AAAS: variants seen among roughly 807,000 people sequenced by gnomAD.
The protein encoded by AAAS is aladin WD repeat nucleoporin.
AAAS carries 60 observed loss-of-function variants against 75.6 expected under a neutral mutation model. That is an observed-to-expected ratio of 0.79 (90% CI 0.64 to 0.98). AAAS has a LOEUF of 0.98. Ranked by LOEUF, AAAS falls within the 50% of genes least tolerant of loss-of-function variation. AAAS has a pLI of 0.00. For missense variants in AAAS, 658 were observed against 686.9 expected (o/e 0.96, Z 0.47); for synonymous variants, 271 against 265.0 (o/e 1.02, Z -0.22).
Position 53,309,157 on chromosome 12 carries a change from C to G in AAAS, c.935G>C (p.Arg312Pro), listed in dbSNP as rs1029967361. ...ILATTPSAVFRVWEAQMWTCE... is the reference protein window; with the variant it reads ...ILATTPSAVFPVWEAQMWTCE... ...CTCCCTCCATCCTTGTCCCACTCAC[C>G]GAAAGACAGCTGAAGGAGTGGTAGC... is the stretch of plus-strand genomic sequence containing the variant. Residue 312 changes from arginine to proline, a missense_variant and splice_region_variant, in exon 9 of 16, where the codon CGA becomes CCA. Arg to Pro is a moderately radical substitution (Grantham distance 103, BLOSUM62 -2). Coordinates refer to ENST00000209873, the MANE Select transcript of AAAS (RefSeq NM_015665.6). 7 of 1,614,040 alleles carry G rather than the reference C, an allele frequency of 4.3e-6. No homozygotes were observed. The highest frequency in any genetic ancestry group is 5.9e-6 in the Non-Finnish European group (7 of 1,180,036).
rs779359254 is a variant in AAAS at position 53,307,465 on chromosome 12, A to G, written c.*24T>C. Reference sequence around the variant, plus strand: ...AAGACAGACTGGTAACTGAGTGGAAAACAAAAGGAAAACTTATTTATTCTT... The same window carrying G: ...AAGACAGACTGGTAACTGAGTGGAAGACAAAAGGAAAACTTATTTATTCTT... On this transcript the variant is annotated 3_prime_UTR_variant, in exon 16 of 16. Coordinates refer to ENST00000209873, the MANE Select transcript of AAAS (RefSeq NM_015665.6). 1 of 1,593,294 alleles carries G rather than the reference A, an allele frequency of 6.3e-7. No individual in the cohort carries two copies. The highest frequency in any genetic ancestry group is 1.1e-5 in the South Asian group (1 of 89,786).
chr12:53,317,517 A>G (rs1487873113), intron 2 of AAAS, among the ~76,000 whole-genome samples: 1 of 151,844 alleles, frequency 6.6e-6, no homozygotes, highest in Non-Finnish European at 1.5e-5. Flanking sequence ...AGATCGTGCC[A>G]CTGCACTCCA....
chr12:53,319,817 A>AAG (rs1944524397), intron 2 of AAAS, among the ~76,000 whole-genome samples: 1 of 137,346 alleles, frequency 7.3e-6, no homozygotes, highest in Admixed American at 7.5e-5. Flanking sequence ...AAAAAAAAAA[A>AAG]AAAAAAAAGA....
Position 53,314,844 on chromosome 12 carries a change from C to G in AAAS, c.452G>C (p.Ser151Thr), listed in dbSNP as rs1450943282. 1.9e-6 allele frequency: 3 copies of G among 1,613,456 alleles called. No individual in the cohort carries two copies. The highest frequency in any genetic ancestry group is 2.5e-6 in the Non-Finnish European group (3 of 1,179,738). Residue 151 changes from serine (S) to threonine (T), a missense_variant, in exon 6 of 16, where the codon AGC becomes ACC. Transcript: ENST00000209873. Reference protein sequence around the residue: ...AEFAQVTNWSSCCLRVFAWHP... With the variant: ...AEFAQVTNWSTCCLRVFAWHP... ...CCATGCAAAGACACGCAAGCAGCAG[C>G]TGGACCTAAGGAAGGGGTTAACATG...
chr12:53,308,622 T>C, intron 11 of AAAS, 94 bp from the exon 12 acceptor site: 2 of 1,597,826 alleles, frequency 1.3e-6, no homozygotes, highest in South Asian at 1.1e-5. Flanking sequence ...CCTCGAAATC[T>C]CCTAAGCTTC....
Position 53,318,259 on chromosome 12 carries a change from T to C in AAAS, c.251+2306A>G, listed in dbSNP as rs555798318. ...GTGTGTGTGTGCGTGTGTGTGTGTG[T>C]GTGTGTGTGTGTGTTAAGACGGAGT... is the stretch of plus-strand genomic sequence containing the variant. On this transcript the variant is annotated intron_variant, in intron 2 of 15. Transcript: ENST00000209873. 1.1e-4 allele frequency among the ~76,000 whole-genome samples: 16 copies of C among 139,168 alleles called. No individual in the cohort carries two copies. In the South Asian group the frequency reaches 3.4e-3, roughly 29 times the overall value. 91.3% of individuals were successfully genotyped at this position (139,168 alleles called of 152,430 possible).
intron 2 of AAAS, among the ~76,000 whole-genome samples, chr12:53,320,186 A>G (rs965524601): frequency 9.2e-5 from 14 of 152,216 alleles, no homozygotes; most frequent in Admixed American, 8.5e-4. Flanking sequence ...TGGATGACCT[A>G]TGTAGGAGAT....
intron 2 of AAAS, among the ~76,000 whole-genome samples, chr12:53,318,167 G>C (rs905805354): frequency 6.6e-6 from 1 of 151,106 alleles, no homozygotes; most frequent in East Asian, 1.9e-4. Flanking sequence ...CTGAGACTAC[G>C]GGTGCACACC....
Position 53,312,362 on chromosome 12 carries a change from T to A in AAAS, c.689+1936A>T, listed in dbSNP as rs12580576. ...AAGCCAAGGCGGGCGGATCACAAGGTCAGGAGTTCAAGACCAGCCTGGCCA... is the reference window on the plus strand; with the variant it reads ...AAGCCAAGGCGGGCGGATCACAAGGACAGGAGTTCAAGACCAGCCTGGCCA... On this transcript the variant is annotated intron_variant, in intron 7 of 15. Coordinates refer to ENST00000209873, the MANE Select transcript of AAAS (RefSeq NM_015665.6). 4.8e-4 allele frequency among the ~76,000 whole-genome samples: 73 copies of A among 152,174 alleles called. No homozygotes were observed. The East Asian group carries it at 0.014, about 28-fold the overall frequency.
At chr12:53,314,635 GTTCT>G (rs1299724242) in intron 6 of AAAS, 112 bp downstream of exon 6, 1 of 1,343,548 alleles carries the variant, frequency 7.4e-7, no homozygotes, top group African/African-American at 1.4e-5. Flanking sequence ...CCTGACCCCA[GTTCT>G]GGAAGGAGCC....
intron 7 of AAAS, 23 bp from the exon 8 acceptor site, chr12:53,309,744 T>C (rs898879494): frequency 8.7e-6 from 14 of 1,611,146 alleles, no homozygotes; most frequent in East Asian, 2.2e-5. Context: ...ACAGAGGATG[T>C]GGAGTCAGAA....
rs749518795 is a variant in AAAS, at chr12:53,320,623, T to C, written c.193A>G (p.Thr65Ala). Residue 65 changes from threonine (T) to alanine (A), a missense_variant, in exon 2 of 16, where the codon ACA becomes GCA. Thr to Ala is a moderately conservative substitution (Grantham distance 58). Transcript: ENST00000209873. ...LKTPGRLDHG[T>A]RTAFIHHREQ... ...CGGTGATGGATGAAGGCAGTTCTTG[T>C]GCCATGGTCCAGCCTTCCAGGGGTC... The C allele has an allele frequency of 3.1e-6, 5 of 1,614,184 alleles. No individual in the cohort carries two copies. Among genetic ancestry groups the C allele is most frequent in the Non-Finnish European group, 4.2e-6 (5 of 1,180,026 alleles).
At chr12:53,321,112 C>T in intron 1 of AAAS, 1 of 638,008 alleles carries the variant, frequency 1.6e-6, no homozygotes, top group Non-Finnish European at 2.6e-6. Flanking sequence ...GATTCTCCCT[C>T]ATTCTCTCCA....
At chr12:53,311,509 C>T (rs1027707574) in intron 7 of AAAS, among the ~76,000 whole-genome samples, 13 of 151,654 alleles carry the variant, frequency 8.6e-5, no homozygotes, top group Non-Finnish European at 1.9e-4. Flanking sequence ...AGCTACTTGG[C>T]AAGGGGCTCA....
At position 53,321,476 on chromosome 12, in the gene AAAS, C is replaced by T; in HGVS notation, c.-11G>A. ...CCCCAGAGAGCACATCTTGCCGGTT[C>T]GCAGGACGTCTGCAGTCGGCAAACT... is the stretch of plus-strand genomic sequence containing the variant. On this transcript the variant is annotated 5_prime_UTR_variant, in exon 1 of 16. Coordinates refer to ENST00000209873, the MANE Select transcript of AAAS (RefSeq NM_015665.6). 6.2e-7 allele frequency: 1 copy of T among 1,613,934 alleles called. No homozygotes were observed. Among genetic ancestry groups the T allele is most frequent in the South Asian group, 1.1e-5 (1 of 91,086 alleles).
intron 11 of AAAS, 53 bp from the exon 12 acceptor site, chr12:53,308,581 G>A: frequency 6.2e-7 from 1 of 1,609,486 alleles, no homozygotes; most frequent in Non-Finnish European, 8.5e-7. Flanking sequence ...CCTCTCACTG[G>A]TCCCCTGCCA....
At chr12:53,320,479 T>G in intron 2 of AAAS, 86 bp downstream of exon 2, 1 of 1,589,742 alleles carries the variant, frequency 6.3e-7, no homozygotes. Flanking sequence ...AAAAGTCTTT[T>G]GAAGAACACC....
intron 7 of AAAS, among the ~76,000 whole-genome samples, chr12:53,312,049 C>T (rs191902377): frequency 2.0e-4 from 30 of 152,168 alleles, no homozygotes; most frequent in African/African-American, 6.5e-4. Context: ...GAGGACAGGC[C>T]GGGCATGGTG....
chr12:53,315,213 G>A (rs1166027233), intron 4 of AAAS, 73 bp from the exon 5 acceptor site: 1 of 1,599,156 alleles, frequency 6.3e-7, no homozygotes, highest in Non-Finnish European at 8.6e-7. Context: ...CAACAGGGGA[G>A]CTGGACCACT....
Sources: allele counts gnomAD v4.1 joint callset (sites outside exome capture counted in the v4.1 genomes callset), GRCh38; gene constraint gnomAD v4.1.1; transcripts MANE v1.5; gene names NCBI Gene and HGNC (gene_info 2026-07-23, HGNC 2026-07-21).